LRRC17: variants seen among roughly 807,000 people sequenced by gnomAD.
LRRC17 encodes the protein leucine rich repeat containing 17, also known as leucine-rich repeat-containing protein 17.
Under a neutral mutation model 41.5 loss-of-function variants are expected in LRRC17, and 33 were observed. That is an observed-to-expected ratio of 0.80 (90% CI 0.60 to 1.06). The LOEUF (loss-of-function observed/expected upper bound fraction) is 1.06, where lower values mean the gene tolerates loss of function less well. LRRC17 is among the 50% of genes least tolerant of loss of function. The pLI, the probability that LRRC17 is intolerant of heterozygous loss-of-function variation, is 0.00. For synonymous variants in LRRC17, 192 were observed against 197.0 expected, an observed-to-expected ratio of 0.97 and a Z score of 0.21; for missense variants, 491 against 519.3, an observed-to-expected ratio of 0.95 and a Z score of 0.53.
chr7:102,918,048 A>C (rs980768833), intron 1 of LRRC17, among the ~76,000 whole-genome samples: 3 of 152,214 alleles, frequency 2.0e-5, no homozygotes, highest in African/African-American at 7.2e-5. Context: ...TTCTCTTGGC[A>C]AGTACTTTTT....
chr7:102,944,413 T>C lies in LRRC17; in HGVS notation c.1132T>C (p.Cys378Arg), dbSNP rs1822070322. ...CAATGTCCATTTTAATGGCCTGGAA[T>C]GCAAAACGCCTGAAGAATACAAAGG... The part of the protein sequence containing the change: ...HYNVHFNGLE[C>R]KTPEEYKGWS... Residue 378 changes from cysteine (C) to arginine (R), a missense_variant, in exon 4 of 4, where the codon TGC becomes CGC. Physicochemically the swap from Cys to Arg is radical, Grantham distance 180. Transcript: ENST00000339431. The C allele has an allele frequency of 5.0e-6, 8 of 1,614,024 alleles. No individual in the cohort carries two copies. Among genetic ancestry groups the C allele is most frequent in the Non-Finnish European group, 5.9e-6 (7 of 1,179,932 alleles).
In LRRC17 at chr7:102,934,602, C is replaced by G. The variant is rs769069587; in HGVS notation, c.689C>G (p.Pro230Arg). The stretch of plus-strand genomic sequence containing the variant: ...CCGAAACCCCAAGTGTCAGGGAGAC[C>G]CCCAGTCATCAAGCCTGAGGTGGAC... ...LDPKPQVSGRPPVIKPEVDST... is the reference protein window; with the variant it reads ...LDPKPQVSGRRPVIKPEVDST... Residue 230 changes from proline (P) to arginine (R), a missense_variant, in exon 2 of 4, where the codon CCC becomes CGC. Physicochemically the swap from Pro to Arg is moderately radical, Grantham distance 103. Transcript: ENST00000339431. 6 of 1,613,932 alleles carry G rather than the reference C, an allele frequency of 3.7e-6. No individual in the cohort carries two copies. In the East Asian group the frequency reaches 1.1e-4, roughly 30 times the overall value.
chr7:102,921,785 C>T lies in LRRC17; in HGVS notation c.-141+8640C>T, dbSNP rs531365461. 5.9e-5 allele frequency among the ~76,000 whole-genome samples: 9 copies of T among 152,184 alleles called. 1 individual carries two copies. Among genetic ancestry groups the T allele is most frequent in the Admixed American group, 2.0e-4 (3 of 15,290 alleles). ...TCTACCAAGAAATCTCAATAAATTC[C>T]AAAAAGTAGAAATAATTCAGTCCAC... On this transcript the variant is annotated intron_variant, in intron 1 of 3. Transcript: ENST00000339431.
chr7:102,919,511 G>C (rs1485306368), intron 1 of LRRC17, among the ~76,000 whole-genome samples: 2 of 151,978 alleles, frequency 1.3e-5, no homozygotes, highest in Non-Finnish European at 2.9e-5. Flanking sequence ...ATTAATTGAA[G>C]GAACACAATT....
chr7:102,940,492 G>A (rs2129475333), intron 3 of LRRC17, among the ~76,000 whole-genome samples: 1 of 152,278 alleles, frequency 6.6e-6, no homozygotes, highest in African/African-American at 2.4e-5. Flanking sequence ...TTACAGGCGT[G>A]AGCCACCATG....
rs1819679313 is a variant in LRRC17, at chr7:102,933,758, T to TA, written c.-140-16_-140-15insA. ...AATGGGCCTTAATTTTTAATATATA[T>TA]TTTTTTCTCTTCCAGCCTAGGGACT... On this transcript the variant is annotated splice_polypyrimidine_tract_variant and intron_variant, in intron 1 of 3. Transcript: ENST00000339431. 3 of 669,830 alleles carry TA rather than the reference T, an allele frequency of 4.5e-6. No homozygotes were observed. Among genetic ancestry groups the TA allele is most frequent in the South Asian group, 2.4e-5 (1 of 41,968 alleles). The allele number at this position is 669,830 out of a possible 1,614,324, so 41.5% of individuals were successfully genotyped here.
Position 102,944,819 on chromosome 7 carries a change from G to A in LRRC17, c.*212G>A. ...CTGTCCATTTGTGGAACAGCATCTG[G>A]TGATATGCAATTCCACACTGGTAAC... On this transcript the variant is annotated 3_prime_UTR_variant, in exon 4 of 4. Coordinates refer to ENST00000339431, the MANE Select transcript of LRRC17 (RefSeq NM_001031692.3). The A allele has an allele frequency of 2.1e-6, 1 of 479,408 alleles. No homozygotes were observed. The highest frequency in any genetic ancestry group is 3.6e-6 in the Non-Finnish European group (1 of 277,600). 29.7% of individuals were successfully genotyped at this position (479,408 alleles called of 1,614,324 possible).
intron 1 of LRRC17, among the ~76,000 whole-genome samples, chr7:102,924,179 G>A (rs1289603283): frequency 1.3e-5 from 2 of 151,304 alleles, no homozygotes; most frequent in Admixed American, 6.6e-5. Context: ...CGAAGGTTGC[G>A]GTGAGCTGAG....
At position 102,934,474 on chromosome 7, in the gene LRRC17, G is replaced by A. The variant is rs1258007013; in HGVS notation, c.561G>A (p.Gly187=). ...AGATTCCCAGGAACCGGAATTTGGG[G>A]AACTACGCCAAGTGTGAAAGTCCAC... The part of the protein sequence containing the change: ...MLQIPRNRNL[G]NYAKCESPQE... The change falls in exon 2 of 4, where the codon GGG becomes GGA. Residue 187 remains glycine (G), a synonymous_variant. Transcript: ENST00000339431. 4 of 1,613,970 alleles carry A rather than the reference G, an allele frequency of 2.5e-6. No individual in the cohort carries two copies. The highest frequency in any genetic ancestry group is 2.7e-5 in the African/African-American group (2 of 74,888).
rs138694163 is a variant in LRRC17 at position 102,926,398 on chromosome 7, G to T, written c.-140-7376G>T. 1,081 of 1,574,438 alleles carry T rather than the reference G, an allele frequency of 6.9e-4. 7 individuals carry two copies. In the African/African-American group the frequency reaches 0.014, roughly 20 times the overall value. ...TCCTGCATGAAAAACAGAGGGAAGA[G>T]GCTTATCAAATTATAGCAGGCTTTG... On this transcript the variant is annotated intron_variant, in intron 1 of 3. Coordinates refer to ENST00000339431, the MANE Select transcript of LRRC17 (RefSeq NM_001031692.3).
intron 2 of LRRC17, among the ~76,000 whole-genome samples, chr7:102,938,123 T>C (rs1820689559): frequency 6.6e-6 from 1 of 152,214 alleles, no homozygotes; most frequent in South Asian, 2.1e-4. Flanking sequence ...TGAGACTAAT[T>C]GAAAGGCATA....
At chr7:102,915,874 A>G (rs756418403) in intron 1 of LRRC17, among the ~76,000 whole-genome samples, 20 of 152,248 alleles carry the variant, frequency 1.3e-4, no homozygotes, top group Non-Finnish European at 2.4e-4. Flanking sequence ...AAATGTGATA[A>G]GAATATATTT....
At position 102,913,060 on chromosome 7, in the gene LRRC17, A is replaced by G. The variant is rs756139180; in HGVS notation, c.-226A>G. ...TCTGGAGAACTTCCTCACACACCGC[A>G]GCAAAGAGAAGACTGAAAGACAAAC... On this transcript the variant is annotated 5_prime_UTR_variant, in exon 1 of 4. Transcript: ENST00000339431. 6.2e-7 allele frequency: 1 copy of G among 1,614,018 alleles called. No individual in the cohort carries two copies. Among genetic ancestry groups the G allele is most frequent in the Non-Finnish European group, 8.5e-7 (1 of 1,179,942 alleles).
intron 1 of LRRC17, among the ~76,000 whole-genome samples, chr7:102,929,481 G>A (rs559547071): frequency 2.0e-5 from 3 of 152,034 alleles, no homozygotes; most frequent in Non-Finnish European, 4.4e-5. Flanking sequence ...GTCCAACATG[G>A]TGAAACCCCA....
At chr7:102,932,789 T>C (rs1408407850) in intron 1 of LRRC17, among the ~76,000 whole-genome samples, 2 of 151,980 alleles carry the variant, frequency 1.3e-5, no homozygotes, top group Non-Finnish European at 2.9e-5. Context: ...TTGTATTTTT[T>C]GTAGAGACGG....
chr7:102,926,277 G>A (rs368320053), intron 1 of LRRC17: 27 of 1,612,456 alleles, frequency 1.7e-5, no homozygotes, highest in South Asian at 6.6e-5. Context: ...ACATTACCTC[G>A]GCAGGAGTCG....
intron 3 of LRRC17, among the ~76,000 whole-genome samples, chr7:102,941,616 C>G (rs1264869008): frequency 6.6e-6 from 1 of 151,994 alleles, no homozygotes; most frequent in Non-Finnish European, 1.5e-5. Flanking sequence ...TGGCTACAAA[C>G]TAAAGAATCT....
chr7:102,935,760 T>C lies in LRRC17; in HGVS notation c.772+1075T>C, dbSNP rs574795405. ...ATGTCTATATGTTTCATTTCTGGCATGGTTTAATAATTTATTTGTAATATT... is the reference window on the plus strand; with the variant it reads ...ATGTCTATATGTTTCATTTCTGGCACGGTTTAATAATTTATTTGTAATATT... On this transcript the variant is annotated intron_variant, in intron 2 of 3. Transcript: ENST00000339431. 3.9e-5 allele frequency among the ~76,000 whole-genome samples: 6 copies of C among 152,330 alleles called. No homozygotes were observed. The South Asian group carries it at 1.2e-3, about 32-fold the overall frequency.
chr7:102,921,079 G>C (rs923592508), intron 1 of LRRC17, among the ~76,000 whole-genome samples: 12 of 152,174 alleles, frequency 7.9e-5, no homozygotes, highest in South Asian at 2.1e-4. Context: ...TTCAGCCCAG[G>C]AGGCGGAGGT....
Sources: gnomAD v4.1 joint callset for allele counts (sites outside exome capture counted in the v4.1 genomes callset) on GRCh38, gnomAD v4.1.1 for gene constraint, MANE v1.5 for transcripts, NCBI Gene and HGNC (gene_info 2026-07-23, HGNC 2026-07-21) for gene names.